Variants in CELA2B observed in about 807,000 individuals in gnomAD.
CELA2B encodes chymotrypsin-like elastase family member 2B.
A neutral mutation model predicts 36.5 loss-of-function variants in CELA2B; 27 were observed. The observed-to-expected ratio is 0.74, with a 90% CI of 0.55 to 1.02. The LOEUF is 1.02. Ranked by LOEUF, CELA2B falls within the 50% of genes least tolerant of loss-of-function variation. The pLI is 0.00. For missense variants in CELA2B, 340 were observed against 347.8 expected, an observed-to-expected ratio of 0.98 and a Z score of 0.18; for synonymous variants, 143 against 148.5, an observed-to-expected ratio of 0.96 and a Z score of 0.27.
At chr1:15,478,565 A>AT (rs71002905) in intron 2 of CELA2B, among the ~76,000 whole-genome samples, 1,874 of 125,226 alleles carry the variant, frequency 0.015, 47 homozygotes, top group African/African-American at 0.05. Context: ...ATTTTAATGC[A>AT]TTTTTTTTTT....
In CELA2B at chr1:15,487,419, C is replaced by T. The variant is rs143372623; in HGVS notation, c.774C>T (p.Tyr258=). 6.8e-5 allele frequency: 109 copies of T among 1,614,230 alleles called. No individual in the cohort carries two copies. The African/African-American group carries it at 1.1e-3, about 16-fold the overall frequency. ...KPSIFTRVSN[Y]NDWINSVIAN... ...CCATCTTCACGCGGGTCTCCAACTA[C>T]AACGACTGGATCAATTCGGTAAGAA... is the stretch of plus-strand genomic sequence containing the variant. Residue 258 remains tyrosine (Y), a synonymous_variant, in exon 7 of 8, where the codon TAC becomes TAT. Transcript: ENST00000375910.
chr1:15,491,164 G>A, intron 7 of CELA2B, 131 bp from the exon 8 acceptor site: 1 of 953,128 alleles, frequency 1.0e-6, no homozygotes, highest in South Asian at 1.3e-5. Flanking sequence ...CCTCAGGCAG[G>A]AGCTACTGTA....
In CELA2B at chr1:15,483,297, C is replaced by T. The variant is rs1462232378; in HGVS notation, c.390C>T (p.Pro130=). The change falls in exon 5 of 8, where the codon CCC becomes CCT. Residue 130 remains proline (P), a synonymous_variant. Coordinates refer to ENST00000375910, the MANE Select transcript of CELA2B (RefSeq NM_015849.3). ...TTGCCCTGCTCAAACTGGCTAACCC[C>T]GTCTCCCTCACCGACAAGATCCAGC... ...NDIALLKLAN[P]VSLTDKIQLA... is the part of the protein sequence containing the mutation. 1.8e-5 allele frequency: 29 copies of T among 1,613,934 alleles called. No homozygotes were observed. Among genetic ancestry groups the T allele is most frequent in the Non-Finnish European group, 2.3e-5 (27 of 1,179,902 alleles).
chr1:15,478,744 T>C (rs1297224524), intron 2 of CELA2B, among the ~76,000 whole-genome samples: 1 of 151,620 alleles, frequency 6.6e-6, no homozygotes, highest in Non-Finnish European at 1.5e-5. Context: ...TTTTTTGTAT[T>C]TTAGTAGAGA....
chr1:15,490,865 C>CAA (rs34648160), intron 7 of CELA2B: 198 of 120,520 alleles, frequency 1.6e-3, no homozygotes, highest in South Asian at 3.5e-3. Context: ...AAGACTGTCT[C>CAA]AAAAAAAAAA....
chr1:15,481,415 G>C (rs1372083617), intron 3 of CELA2B, among the ~76,000 whole-genome samples: 11 of 152,198 alleles, frequency 7.2e-5, no homozygotes, highest in Admixed American at 5.9e-4. Context: ...CAGGCACTGA[G>C]GGAGGATGAA....
chr1:15,485,042 C>A (rs1292796289), intron 5 of CELA2B, among the ~76,000 whole-genome samples: 2 of 152,070 alleles, frequency 1.3e-5, no homozygotes, highest in African/African-American at 2.4e-5. Context: ...GGATTACAGG[C>A]ATGTGCACCA....
rs762333807 is a variant in CELA2B at position 15,482,323 on chromosome 1, G to A, written c.286G>A (p.Gly96Ser). The part of the protein sequence containing the change: ...GQHNLYVAES[G>S]SLAVSVSKIV... ...GCATAACCTCTACGTTGCAGAGTCCGGCTCGCTGGCCGTCAGTGTCTCTAA... is the reference window on the plus strand; with the variant it reads ...GCATAACCTCTACGTTGCAGAGTCCAGCTCGCTGGCCGTCAGTGTCTCTAA... Residue 96 changes from glycine (G) to serine (S), a missense_variant, in exon 4 of 8, where the codon GGC (glycine) becomes AGC (serine). Coordinates refer to ENST00000375910, the MANE Select transcript of CELA2B (RefSeq NM_015849.3). The A allele has an allele frequency of 3.5e-5, 56 of 1,614,006 alleles. No individual in the cohort carries two copies. The highest frequency in any genetic ancestry group is 8.0e-5 in the African/African-American group (6 of 74,916).
At chr1:15,478,335 C>T (rs976979770) in intron 2 of CELA2B, among the ~76,000 whole-genome samples, 1 of 151,370 alleles carries the variant, frequency 6.6e-6, no homozygotes, top group African/African-American at 2.4e-5. Context: ...CTTCTGCCTC[C>T]CAGGTTCAAG....
chr1:15,479,071 T>C (rs1024355538), intron 2 of CELA2B, among the ~76,000 whole-genome samples: 1 of 152,170 alleles, frequency 6.6e-6, no homozygotes, highest in African/African-American at 2.4e-5. Flanking sequence ...TAATACGTAT[T>C]ACGTGGACGA....
intron 4 of CELA2B, 147 bp downstream of exon 4, chr1:15,482,540 C>T (rs1413166481): frequency 9.0e-6 from 11 of 1,226,642 alleles, no homozygotes; most frequent in African/African-American, 1.5e-5. Flanking sequence ...GATGTGGAAC[C>T]GGCTCCAAAG....
chr1:15,480,399 A>G (rs1176926604), intron 2 of CELA2B, among the ~76,000 whole-genome samples: 31 of 152,156 alleles, frequency 2.0e-4, no homozygotes, highest in Non-Finnish European at 1.5e-5. Flanking sequence ...ATTTTTCTGT[A>G]GAGACGGTGT....
At chr1:15,485,742 C>G in intron 5 of CELA2B, 159 bp from the exon 6 acceptor site, 1 of 934,590 alleles carries the variant, frequency 1.1e-6, no homozygotes, top group Non-Finnish European at 1.6e-6. Flanking sequence ...GGCCAGCACA[C>G]TAACCAATCA....
At position 15,487,330 on chromosome 1, in the gene CELA2B, T is replaced by C. The variant is rs1223361247; in HGVS notation, c.685T>C (p.Trp229Arg). Residue 229 changes from tryptophan to arginine, a missense_variant, in exon 7 of 8, where the codon TGG becomes CGG. Physicochemically the swap from Trp to Arg is moderately radical, Grantham distance 101. Transcript: ENST00000375910. ...PLNCQASDGR[W>R]EVHGIGSLTS... ...GAACTGTCAGGCATCTGACGGCCGG[T>C]GGGAGGTGCATGGCATCGGCAGCCT... The C allele has an allele frequency of 6.2e-7, 1 of 1,614,196 alleles. No individual in the cohort carries two copies.
chr1:15,478,090 G>T (rs1211628258), intron 2 of CELA2B, among the ~76,000 whole-genome samples: 2 of 152,060 alleles, frequency 1.3e-5, no homozygotes, highest in East Asian at 3.9e-4. Flanking sequence ...CTTGAGGTCA[G>T]CAGTTCAAGA....
intron 2 of CELA2B, among the ~76,000 whole-genome samples, chr1:15,479,743 G>A (rs1270746463): frequency 1.3e-5 from 2 of 152,168 alleles, no homozygotes; most frequent in African/African-American, 4.8e-5. Flanking sequence ...GTCACAGAAG[G>A]CCTCATGGAG....
At chr1:15,489,966 C>T (rs1708856859) in intron 7 of CELA2B, among the ~76,000 whole-genome samples, 1 of 151,984 alleles carries the variant, frequency 6.6e-6, no homozygotes, top group Non-Finnish European at 1.5e-5. Context: ...CTGCGCCTCC[C>T]GGGTTCAAGC....
At chr1:15,478,390 C>T (rs547237210) in intron 2 of CELA2B, among the ~76,000 whole-genome samples, 3 of 151,040 alleles carry the variant, frequency 2.0e-5, no homozygotes, top group Admixed American at 6.6e-5. Flanking sequence ...ATTACAGGCA[C>T]GCACCACCAT....
chr1:15,482,422 G>A (rs780169361), intron 4 of CELA2B, 29 bp downstream of exon 4: 1 of 1,613,396 alleles, frequency 6.2e-7, no homozygotes, highest in Non-Finnish European at 8.5e-7. Flanking sequence ...GCACTTGGGG[G>A]TGAGGTTGTC....
Sources: gnomAD v4.1 joint callset for allele counts (sites outside exome capture counted in the v4.1 genomes callset) on GRCh38, gnomAD v4.1.1 for gene constraint, MANE v1.5 for transcripts, NCBI Gene and HGNC (gene_info 2026-07-23, HGNC 2026-07-21) for gene names.